Variants in APC observed in about 807,000 individuals in gnomAD.
The protein encoded by APC is adenomatous polyposis coli protein.
In APC, 72 loss-of-function variants were observed where a neutral mutation model predicts 247.0. The observed-to-expected ratio is 0.29, with a 90% CI of 0.24 to 0.35. APC has a LOEUF of 0.35. APC is among the 10% of genes least tolerant of loss of function. APC has a pLI of 1.00. For missense variants in APC, 3,400 were observed against 3,360.7 expected (o/e 1.01, Z -0.29); for synonymous variants, 1,254 against 1,162.5 (o/e 1.08, Z -1.60).
At chr5:112,808,612 C>T (rs992747173) in intron 8 of APC, among the ~76,000 whole-genome samples, 4 of 151,996 alleles carry the variant, frequency 2.6e-5, no homozygotes, top group African/African-American at 9.7e-5. Context: ...TCCCTCTGTT[C>T]CCCAGGCTGG....
Position 112,754,875 on chromosome 5 carries a change from C to T in APC, c.-16C>T, listed in dbSNP as rs371665872. ...CAAAATCCTTTTTAACCTTATAGGT[C>T]CAAGGGTAGCCAAGGATGGCTGCAG... On this transcript the variant is annotated splice_region_variant and 5_prime_UTR_variant, in exon 2 of 16. Transcript: ENST00000257430. 4.1e-5 allele frequency: 66 copies of T among 1,613,248 alleles called. No homozygotes were observed. The highest frequency in any genetic ancestry group is 5.3e-5 in the Non-Finnish European group (63 of 1,179,538).
At chr5:112,833,390 T>TC (rs1764520038) in intron 14 of APC, among the ~76,000 whole-genome samples, 1 of 152,082 alleles carries the variant, frequency 6.6e-6, no homozygotes, top group Admixed American at 6.5e-5. Flanking sequence ...ACCATGTTGA[T>TC]CAGGATGGTC....
chr5:112,803,548 C>G (rs1278822705), intron 8 of APC, among the ~76,000 whole-genome samples: 29 of 152,170 alleles, frequency 1.9e-4, no homozygotes, highest in Non-Finnish European at 8.8e-5. Context: ...ACCTCTACCT[C>G]ATAGAACAGT....
Position 112,815,550 on chromosome 5 carries a change from C to T in APC, c.890C>T (p.Thr297Ile), listed in dbSNP as rs1554079189. The T allele has an allele frequency of 6.2e-7, 1 of 1,612,370 alleles. No individual in the cohort carries two copies. Among genetic ancestry groups the T allele is most frequent in the Non-Finnish European group, 8.5e-7 (1 of 1,178,860 alleles). Reference protein sequence around the residue: ...ETASVLSSSSTHSAPRRLTSH... With the variant: ...ETASVLSSSSIHSAPRRLTSH... Reference sequence around the variant, plus strand: ...GCCAGTGTTTTGAGTTCTAGTAGCACACACTCTGCACCTCGAAGGCTGACA... The same window carrying T: ...GCCAGTGTTTTGAGTTCTAGTAGCATACACTCTGCACCTCGAAGGCTGACA... Residue 297 changes from threonine to isoleucine, a missense_variant, in exon 9 of 16, where the codon ACA becomes ATA. Thr to Ile is a moderately conservative substitution (Grantham distance 89). Around this residue, in one of 9 missense-constraint regions of APC, gnomAD observed 372 missense variants for 367.6 expected, o/e 1.01. Coordinates refer to ENST00000257430, the MANE Select transcript of APC (RefSeq NM_000038.6).
chr5:112,779,185 T>G lies in APC; in HGVS notation c.532-1605T>G, dbSNP rs869312467. Among the ~76,000 whole-genome samples, 2 of 152,200 alleles carry G rather than the reference T, an allele frequency of 1.3e-5. No homozygotes were observed. The highest frequency in any genetic ancestry group is 2.9e-5 in the Non-Finnish European group (2 of 68,028). On this transcript the variant is annotated intron_variant, in intron 5 of 15. Coordinates refer to ENST00000257430, the MANE Select transcript of APC (RefSeq NM_000038.6). ...ACAGATAATGAGAGAACAGTTATTG[T>G]TAGCCTGTGAGGATTAGGAATTTTG...
intron 6 of APC, among the ~76,000 whole-genome samples, chr5:112,788,729 G>C (rs536659525): frequency 6.6e-6 from 1 of 152,128 alleles, no homozygotes; most frequent in African/African-American, 2.4e-5. Context: ...TACAGTTTTT[G>C]TTGCTATTAT....
intron 8 of APC, among the ~76,000 whole-genome samples, chr5:112,809,243 A>G (rs78427122): frequency 6.6e-6 from 1 of 151,802 alleles, no homozygotes; most frequent in Non-Finnish European, 1.5e-5. Flanking sequence ...CTGAGGTCCC[A>G]GCTACTTGGG....
chr5:112,835,003 G>T lies in APC; in HGVS notation c.1796G>T (p.Cys599Phe), dbSNP rs2149841562. ...LSALWNLSAH[C>F]TENKADICAV... ...GCCTTATGGAATTTGTCAGCACATTGCACTGAGAATAAAGCTGATATATGT... is the reference window on the plus strand; with the variant it reads ...GCCTTATGGAATTTGTCAGCACATTTCACTGAGAATAAAGCTGATATATGT... The change falls in exon 15 of 16, where the codon TGC (cysteine) becomes TTC (phenylalanine). Residue 599 changes from cysteine to phenylalanine, a missense_variant. Cys to Phe is a radical substitution (Grantham distance 205). Transcript: ENST00000257430. 6.2e-7 allele frequency: 1 copy of T among 1,614,066 alleles called. No homozygotes were observed. The highest frequency in any genetic ancestry group is 1.3e-5 in the African/African-American group (1 of 75,028).
At chr5:112,722,002 G>T (rs574481381) in intron 1 of APC, among the ~76,000 whole-genome samples, 1 of 152,268 alleles carries the variant, frequency 6.6e-6, no homozygotes, top group Admixed American at 6.5e-5. Context: ...AGACCCTTCA[G>T]TATCCTATTC....
chr5:112,708,773 G>A (rs902639239), intron 1 of APC, among the ~76,000 whole-genome samples: 2 of 152,156 alleles, frequency 1.3e-5, no homozygotes, highest in African/African-American at 4.8e-5. Context: ...TTGTATTCTC[G>A]ATTGTTGTTA....
At chr5:112,815,459 C>A (rs2149761895) in intron 8 of APC, 36 bp from the exon 9 acceptor site, 1 of 1,485,840 alleles carries the variant, frequency 6.7e-7, no homozygotes, top group South Asian at 1.1e-5. Context: ...TACCTATAGT[C>A]TAAATTATAC....
chr5:112,809,146 G>T (rs1761721152), intron 8 of APC, among the ~76,000 whole-genome samples: 1 of 151,516 alleles, frequency 6.6e-6, no homozygotes, highest in Non-Finnish European at 1.5e-5. Context: ...GAACCCAAGA[G>T]TTTGAGACCA....
chr5:112,828,200 A>G (rs1763919694), intron 13 of APC, among the ~76,000 whole-genome samples, 194 bp downstream of exon 13: 1 of 151,894 alleles, frequency 6.6e-6, no homozygotes, highest in Non-Finnish European at 1.5e-5. Context: ...TGCCAAACGA[A>G]TTTTTGTATT....
chr5:112,766,261 A>G (rs1451345594), intron 2 of APC, 65 bp from the exon 3 acceptor site: 1 of 1,203,334 alleles, frequency 8.3e-7, no homozygotes. Flanking sequence ...AATGTCAAGA[A>G]ATACAGAATC....
chr5:112,771,603 A>T (rs1483777213), intron 4 of APC, among the ~76,000 whole-genome samples: 1 of 152,176 alleles, frequency 6.6e-6, no homozygotes, highest in Non-Finnish European at 1.5e-5. Flanking sequence ...ATTTGATACC[A>T]GTCTGAATCT....
At chr5:112,822,419 T>G (rs1223120948) in intron 11 of APC, among the ~76,000 whole-genome samples, 1 of 152,174 alleles carries the variant, frequency 6.6e-6, no homozygotes, top group Non-Finnish European at 1.5e-5. Flanking sequence ...AGATTGTCAT[T>G]TATCTTCATG....
At chr5:112,810,056 C>T (rs1474056369) in intron 8 of APC, 7 of 445,044 alleles carry the variant, frequency 1.6e-5, no homozygotes, top group Non-Finnish European at 3.1e-5. Flanking sequence ...ATGTGAACTG[C>T]CCAAGAGAGA....
In APC at chr5:112,836,862, G is replaced by A. The variant is rs1052792858; in HGVS notation, c.1959-691G>A. ...ACTACAGGCATGCACTACCATGCCC[G>A]GCTAATTTTTGTATTTTTAGTAGAG... is the stretch of plus-strand genomic sequence containing the variant. On this transcript the variant is annotated intron_variant, in intron 15 of 15. Coordinates refer to ENST00000257430, the MANE Select transcript of APC (RefSeq NM_000038.6). Among the ~76,000 whole-genome samples the A allele has an allele frequency of 1.1e-4, 17 of 151,880 alleles. No individual in the cohort carries two copies. The East Asian group carries it at 2.5e-3, about 23-fold the overall frequency.
chr5:112,765,205 A>G (rs1482142927), intron 2 of APC, among the ~76,000 whole-genome samples: 1 of 152,122 alleles, frequency 6.6e-6, no homozygotes, highest in African/African-American at 2.4e-5. Flanking sequence ...TCTGGGCTCA[A>G]GTGATTCTCC....
Sources: allele counts gnomAD v4.1 joint callset (sites outside exome capture counted in the v4.1 genomes callset), GRCh38; gene constraint gnomAD v4.1.1; regional missense constraint gnomAD v4.1.1; transcripts MANE v1.5; gene names NCBI Gene and HGNC (gene_info 2026-07-23, HGNC 2026-07-21).